Variants in DAB1 observed in about 807,000 individuals in gnomAD.
DAB1 encodes the protein disabled homolog 1.
Under a neutral mutation model 64.6 loss-of-function variants are expected in DAB1, and 15 were observed. The observed-to-expected ratio is 0.23, with a 90% CI of 0.16 to 0.36. The LOEUF (loss-of-function observed/expected upper bound fraction) is 0.36. DAB1 is among the 10% of genes least tolerant of loss of function. DAB1 has a pLI of 1.00. For missense variants in DAB1, 596 were observed against 706.7 expected (o/e 0.84, Z 1.78); for synonymous variants, 235 against 251.9 (o/e 0.93, Z 0.64).
chr1:57,727,428 A>T (rs982486913), intron 6 of DAB1, among the ~76,000 whole-genome samples: 2 of 152,198 alleles, frequency 1.3e-5, no homozygotes, highest in African/African-American at 4.8e-5. Context: ...CCTGTGCGTC[A>T]CCTGTTCCTT....
chr1:58,133,215 T>C (rs188421792), intron 5 of DAB1, among the ~76,000 whole-genome samples: 2 of 152,290 alleles, frequency 1.3e-5, no homozygotes, highest in East Asian at 3.9e-4. Context: ...CCACCATGCA[T>C]CTTATACCCC....
chr1:57,072,395 G>T lies in DAB1; in HGVS notation c.326C>A (p.Ala109Asp). 6.2e-7 allele frequency: 1 copy of T among 1,613,450 alleles called. No individual in the cohort carries two copies. The highest frequency in any genetic ancestry group is 8.5e-7 in the Non-Finnish European group (1 of 1,179,546). ...TGCAATGTAGGATATTTCATGAACAGCATGATGATGCTGAAGGGCCTATCA... is the reference window on the plus strand; with the variant it reads ...TGCAATGTAGGATATTTCATGAACATCATGATGATGCTGAAGGGCCTATCA... ...EKTGALQHHHAVHEISYIAKD... is the reference protein window; with the variant it reads ...EKTGALQHHHDVHEISYIAKD... Residue 109 changes from alanine to aspartate, a missense_variant, in exon 5 of 15, where the codon GCT becomes GAT. This residue lies in a region of DAB1 where 176 missense variants were observed against 266.7 expected (regional missense o/e 0.66). Coordinates refer to ENST00000371236, the MANE Select transcript of DAB1 (RefSeq NM_001365792.1).
chr1:57,954,160 G>A (rs1280702956), intron 5 of DAB1, among the ~76,000 whole-genome samples: 1 of 152,088 alleles, frequency 6.6e-6, no homozygotes, highest in Non-Finnish European at 1.5e-5. Context: ...CATAAAAACA[G>A]GTTATAGGAT....
intron 1 of DAB1, among the ~76,000 whole-genome samples, chr1:57,318,761 C>T (rs914949529): frequency 3.5e-5 from 5 of 144,892 alleles, no homozygotes; most frequent in African/African-American, 5.0e-5. Context: ...AAAATTTCAT[C>T]GGATTCCTCA....
chr1:57,314,654 A>C (rs1433553864), intron 1 of DAB1, among the ~76,000 whole-genome samples: 2 of 152,050 alleles, frequency 1.3e-5, no homozygotes, highest in East Asian at 3.9e-4. Context: ...CTGGTGGGGC[A>C]CACCTGTGGT....
chr1:57,068,182 A>T lies in DAB1; in HGVS notation c.663+1178T>A, dbSNP rs575901576. On this transcript the variant is annotated intron_variant, in intron 8 of 14. Coordinates refer to ENST00000371236, the MANE Select transcript of DAB1 (RefSeq NM_001365792.1). ...AAAGGGGCCCTCTCTTCTTAGGATG[A>T]TTGGTTAATGGTTTTTTCCTCCTCA... Among the ~76,000 whole-genome samples the T allele has an allele frequency of 2.6e-5, 4 of 152,286 alleles. No homozygotes were observed. The East Asian group carries it at 7.7e-4, about 29-fold the overall frequency.
intron 5 of DAB1, among the ~76,000 whole-genome samples, chr1:58,149,378 T>G (rs1038688498): frequency 2.6e-5 from 4 of 152,096 alleles, no homozygotes; most frequent in Admixed American, 2.6e-4. Context: ...AAGACTTTAT[T>G]CTATCTTGCA....
At chr1:57,461,819 G>T (rs1686788850) in intron 7 of DAB1, among the ~76,000 whole-genome samples, 1 of 152,010 alleles carries the variant, frequency 6.6e-6, no homozygotes. Flanking sequence ...CTCCACAAAT[G>T]CAGGGTCTTG....
chr1:57,507,193 T>C (rs1644354218), intron 7 of DAB1, among the ~76,000 whole-genome samples: 1 of 152,186 alleles, frequency 6.6e-6, no homozygotes, highest in Non-Finnish European at 1.5e-5. Context: ...TCCAGACTTA[T>C]CACCTATTAC....
intron 4 of DAB1, among the ~76,000 whole-genome samples, chr1:57,133,784 T>G (rs1275911991): frequency 6.6e-6 from 1 of 152,102 alleles, no homozygotes; most frequent in Non-Finnish European, 1.5e-5. Context: ...ATACCACAGA[T>G]GAGATAAACA....
chr1:57,810,171 A>G (rs1651550827), intron 6 of DAB1, among the ~76,000 whole-genome samples: 1 of 152,050 alleles, frequency 6.6e-6, no homozygotes, highest in Admixed American at 6.5e-5. Context: ...TGAGGCTGGC[A>G]TTCAATTCTG....
intron 1 of DAB1, among the ~76,000 whole-genome samples, chr1:57,875,392 C>G (rs967738995): frequency 1.3e-5 from 2 of 152,154 alleles, no homozygotes; most frequent in Non-Finnish European, 1.5e-5. Context: ...CTACCTTGCT[C>G]TACGACTCAG....
At chr1:57,296,067 C>A (rs891093026) in intron 1 of DAB1, among the ~76,000 whole-genome samples, 7 of 152,030 alleles carry the variant, frequency 4.6e-5, no homozygotes, top group African/African-American at 1.7e-4. Context: ...TTTTAGCAGG[C>A]TTGTTTTCTG....
chr1:58,431,327 A>C (rs1270175997), intron 3 of DAB1, among the ~76,000 whole-genome samples: 1 of 152,200 alleles, frequency 6.6e-6, no homozygotes, highest in Non-Finnish European at 1.5e-5. Context: ...TGGGAGGCCG[A>C]GGCAGATGGA....
chr1:57,682,534 G>C (rs1293143614), intron 6 of DAB1, among the ~76,000 whole-genome samples: 6 of 151,754 alleles, frequency 4.0e-5, no homozygotes, highest in Non-Finnish European at 8.8e-5. Context: ...GAAGAAGCTG[G>C]GAACCCTGCA....
chr1:57,383,260 A>G (rs896067245), intron 1 of DAB1, among the ~76,000 whole-genome samples: 3 of 152,158 alleles, frequency 2.0e-5, no homozygotes, highest in Non-Finnish European at 2.9e-5. Flanking sequence ...GGCCTAGCAC[A>G]TACTGGTTTT....
chr1:57,798,664 C>G (rs1249201280), intron 6 of DAB1, among the ~76,000 whole-genome samples: 2 of 152,176 alleles, frequency 1.3e-5, no homozygotes, highest in Non-Finnish European at 2.9e-5. Context: ...ATAACATGTC[C>G]TCTGGTGATG....
chr1:58,318,274 C>A (rs1157896890), intron 4 of DAB1, among the ~76,000 whole-genome samples: 1 of 152,162 alleles, frequency 6.6e-6, no homozygotes, highest in African/African-American at 2.4e-5. Context: ...TCCTGGAGTC[C>A]ACATGGTTCT....
At chr1:58,105,860 C>T (rs1651602986) in intron 5 of DAB1, among the ~76,000 whole-genome samples, 1 of 152,170 alleles carries the variant, frequency 6.6e-6, no homozygotes, top group Non-Finnish European at 1.5e-5. Flanking sequence ...TTCACGTAAC[C>T]AGCACTTTTC....
Sources: allele counts gnomAD v4.1 joint callset (sites outside exome capture counted in the v4.1 genomes callset), GRCh38; gene constraint gnomAD v4.1.1; regional missense constraint gnomAD v4.1.1; transcripts MANE v1.5; gene names NCBI Gene and HGNC (gene_info 2026-07-23, HGNC 2026-07-21).